The following PARD3B variants were observed in gnomAD, a reference collection of about 807,000 sequenced individuals.
The protein encoded by PARD3B is partitioning defective 3 homolog B.
A neutral mutation model predicts 130.2 loss-of-function variants in PARD3B; 103 were observed. The ratio of observed to expected loss-of-function variants is 0.79; its 90% CI spans 0.67 to 0.93. The LOEUF (loss-of-function observed/expected upper bound fraction) is 0.93, where lower values mean the gene tolerates loss of function less well. Ranked by LOEUF, PARD3B falls within the 40% of genes least tolerant of loss-of-function variation. The pLI, the probability that PARD3B is intolerant of heterozygous loss-of-function variation, is 0.00. For missense variants in PARD3B, 1,609 were observed against 1,499.2 expected (o/e 1.07, Z -1.21); for synonymous variants, 583 against 553.2 (o/e 1.05, Z -0.76).
At chr2:204,957,052 G>A (rs1385436607) in intron 2 of PARD3B, among the ~76,000 whole-genome samples, 2 of 152,088 alleles carry the variant, frequency 1.3e-5, no homozygotes, top group African/African-American at 2.4e-5. Flanking sequence ...GATGTGAGTC[G>A]TGAATGTTGT....
chr2:205,202,420 C>A (rs985810437), intron 15 of PARD3B, among the ~76,000 whole-genome samples: 1 of 152,162 alleles, frequency 6.6e-6, no homozygotes, highest in South Asian at 2.1e-4. Context: ...AACATACTTT[C>A]AAGAAGAATT....
At chr2:205,148,808 A>G (rs1033435685) in intron 10 of PARD3B, among the ~76,000 whole-genome samples, 8 of 152,170 alleles carry the variant, frequency 5.3e-5, no homozygotes, top group African/African-American at 1.9e-4. Flanking sequence ...ATTCTTACAT[A>G]AAGTAAGCTG....
At chr2:204,896,992 T>G (rs1381209272) in intron 2 of PARD3B, among the ~76,000 whole-genome samples, 1 of 152,176 alleles carries the variant, frequency 6.6e-6, no homozygotes, top group Non-Finnish European at 1.5e-5. Context: ...TTTTAGCAAG[T>G]GAACAATAAT....
Position 205,265,111 on chromosome 2 carries a change from T to G in PARD3B, c.2185+19289T>G, listed in dbSNP as rs879343460. ...GCACCAATAGCTTACTTCAAATAAA[T>G]TAATACTTCATTTTTTAGGCAAGAA... On this transcript the variant is annotated intron_variant, in intron 16 of 22. Transcript: ENST00000406610. This position sits in a 1 kb window ranked among gnomAD's most constrained non-coding sequence, Gnocchi z 4.3. Among the ~76,000 whole-genome samples, 7 of 141,604 alleles carry G rather than the reference T, an allele frequency of 4.9e-5. No homozygotes were observed. The highest frequency in any genetic ancestry group is 1.1e-4 in the Non-Finnish European group (7 of 62,828). 92.9% of individuals were successfully genotyped at this position (141,604 alleles called of 152,430 possible).
At chr2:205,436,143 C>T (rs2047507708) in intron 19 of PARD3B, among the ~76,000 whole-genome samples, 1 of 152,144 alleles carries the variant, frequency 6.6e-6, no homozygotes, top group African/African-American at 2.4e-5. Context: ...CTCTGTAGCC[C>T]ATTTATAAGA....
In PARD3B at chr2:205,544,601, A is replaced by ACAAT. The variant is rs1223599506; in HGVS notation, c.3181-8720_3181-8717dup. Among the ~76,000 whole-genome samples the ACAAT allele has an allele frequency of 3.3e-5, 5 of 152,206 alleles. No individual in the cohort carries two copies. In the East Asian group the frequency reaches 9.6e-4, roughly 29 times the overall value. ...ATGTCTGATTTTATTTTCTGCTAAGACAATCATAACAGAGACAGTTCAGGT... is the reference window on the plus strand; with the variant it reads ...ATGTCTGATTTTATTTTCTGCTAAGACAATCAATCATAACAGAGACAGTTCAGGT... On this transcript the variant is annotated intron_variant, in intron 21 of 22. Transcript: ENST00000406610.
intron 19 of PARD3B, among the ~76,000 whole-genome samples, chr2:205,414,845 A>T (rs1215885705): frequency 2.6e-5 from 4 of 152,126 alleles, no homozygotes; most frequent in Non-Finnish European, 5.9e-5. Context: ...TATTCTAGGC[A>T]CTTAAAGATA....
rs73057163 is a variant in PARD3B at position 205,085,049 on chromosome 2, A to G, written c.505-19377A>G. On this transcript the variant is annotated intron_variant, in intron 4 of 22. Transcript: ENST00000406610. Reference sequence around the variant, plus strand: ...AGTAGCTGGCAGTTATTGAGAGTACATCAAAGTCTCCATTATGATGCTGGA... The same window carrying G: ...AGTAGCTGGCAGTTATTGAGAGTACGTCAAAGTCTCCATTATGATGCTGGA... 5.0e-3 allele frequency among the ~76,000 whole-genome samples: 756 copies of G among 152,130 alleles called. 8 individuals are homozygous for G. Among genetic ancestry groups the G allele is most frequent in the African/African-American group, 0.017 (711 of 41,548 alleles).
chr2:204,886,809 C>T (rs991787144), intron 2 of PARD3B, among the ~76,000 whole-genome samples: 4 of 152,166 alleles, frequency 2.6e-5, no homozygotes, highest in Admixed American at 2.0e-4. Context: ...TAGAACCAAT[C>T]TGGAGATGAG....
At chr2:204,963,974 G>A (rs530237369) in intron 2 of PARD3B, among the ~76,000 whole-genome samples, 2 of 152,176 alleles carry the variant, frequency 1.3e-5, no homozygotes. Flanking sequence ...TCTTTTGAAA[G>A]ATCGAACTTG....
At chr2:205,480,950 CACCAAT>C (rs2049212137) in intron 20 of PARD3B, among the ~76,000 whole-genome samples, 1 of 152,046 alleles carries the variant, frequency 6.6e-6, no homozygotes, top group Non-Finnish European at 1.5e-5. Context: ...GTGGAAGACC[CACCAAT>C]GACAGACTCC....
intron 4 of PARD3B, among the ~76,000 whole-genome samples, chr2:205,051,018 AC>A (rs1375349313): frequency 6.6e-6 from 1 of 152,146 alleles, no homozygotes; most frequent in African/African-American, 2.4e-5. Context: ...ATATAGCCCT[AC>A]GCTCACTTTT....
chr2:205,096,495 A>G (rs1369039129), intron 4 of PARD3B, among the ~76,000 whole-genome samples: 1 of 152,198 alleles, frequency 6.6e-6, no homozygotes, highest in Admixed American at 6.5e-5. Context: ...TTGATTATCA[A>G]TGGGATTTAG....
At chr2:205,235,168 C>A (rs1234929914) in intron 15 of PARD3B, among the ~76,000 whole-genome samples, 2 of 152,066 alleles carry the variant, frequency 1.3e-5, no homozygotes, top group African/African-American at 4.8e-5. Context: ...CACCTGTAAT[C>A]ACAGCAATTT....
At chr2:204,813,405 C>G (rs1216814504) in intron 2 of PARD3B, among the ~76,000 whole-genome samples, 1 of 151,906 alleles carries the variant, frequency 6.6e-6, no homozygotes, top group Non-Finnish European at 1.5e-5. Context: ...TTTCATAGTT[C>G]TTTATACACT....
At chr2:205,545,157 A>G (rs1030235491) in intron 21 of PARD3B, among the ~76,000 whole-genome samples, 7 of 152,232 alleles carry the variant, frequency 4.6e-5, no homozygotes, top group Non-Finnish European at 1.0e-4. Context: ...GCTCAGGCAT[A>G]TTATACCACA....
chr2:205,382,377 C>T (rs1443904054), intron 18 of PARD3B, among the ~76,000 whole-genome samples: 1 of 152,048 alleles, frequency 6.6e-6, no homozygotes, highest in Non-Finnish European at 1.5e-5. Flanking sequence ...GTGATATACT[C>T]TTCTTAGGAA....
At chr2:205,469,606 A>G (rs961293033) in intron 20 of PARD3B, among the ~76,000 whole-genome samples, 14 of 152,172 alleles carry the variant, frequency 9.2e-5, no homozygotes, top group African/African-American at 3.4e-4. Context: ...AGTCAGCCTA[A>G]TCTTGGCTGA....
intron 2 of PARD3B, among the ~76,000 whole-genome samples, chr2:204,764,955 G>C (rs1320724509): frequency 2.0e-5 from 3 of 151,554 alleles, no homozygotes; most frequent in Admixed American, 2.0e-4. Flanking sequence ...TTGTAATTCT[G>C]ATTAATATTC....
Sources: gnomAD v4.1 joint callset for allele counts (sites outside exome capture counted in the v4.1 genomes callset) on GRCh38, gnomAD v4.1.1 for gene constraint, Gnocchi (gnomAD v3.1) non-coding constraint, MANE v1.5 for transcripts, NCBI Gene and HGNC (gene_info 2026-07-23, HGNC 2026-07-21) for gene names.